The following MRPL24 variants were observed in gnomAD, a reference collection of about 807,000 sequenced individuals.
MRPL24 encodes the protein large ribosomal subunit protein uL24m.
In MRPL24, 15 loss-of-function variants were observed where a neutral mutation model predicts 26.9. The ratio of observed to expected loss-of-function variants is 0.56; its 90% CI spans 0.37 to 0.86. The LOEUF is 0.86. Ranked by LOEUF, MRPL24 falls within the 40% of genes least tolerant of loss-of-function variation. The pLI, the probability that MRPL24 is intolerant of heterozygous loss-of-function variation, is 0.00. For missense variants in MRPL24, 241 were observed against 281.4 expected (o/e 0.86, Z 1.03); for synonymous variants, 92 against 102.4 (o/e 0.90, Z 0.62).
In MRPL24 at chr1:156,738,112, G is replaced by T. The variant is rs1175251806; in HGVS notation, c.302C>A (p.Thr101Asn). ...LNTHYRYIGK[T>N]MDYRGTMIPS... ...GATCATGGTTCCCCGGTAATCCATG[G>T]TCTTGCCAATGTAGCGGTAATGCTG... The change falls in exon 4 of 6, where the codon ACC becomes AAC. Residue 101 changes from threonine to asparagine, a missense_variant. Coordinates refer to ENST00000361531, the MANE Select transcript of MRPL24 (RefSeq NM_145729.3). The T allele has an allele frequency of 5.0e-6, 8 of 1,614,152 alleles. No homozygotes were observed. The highest frequency in any genetic ancestry group is 5.9e-6 in the Non-Finnish European group (7 of 1,180,008).
At chr1:156,740,881 A>G (rs1008864664) in intron 1 of MRPL24, 131 bp downstream of exon 1, 1 of 152,350 alleles carries the variant, frequency 6.6e-6, no homozygotes, top group Non-Finnish European at 1.5e-5. Flanking sequence ...GGCTTCCCCC[A>G]CCAGCCTCAT....
upstream of MRPL24, chr1:156,742,225 TAA>T (rs907795514): frequency 7.9e-5 from 12 of 152,470 alleles, no homozygotes; most frequent in African/African-American, 2.9e-4. Flanking sequence ...GGGGCCAGGG[TAA>T]AAGAGACGAG....
chr1:156,739,429 C>T (rs114880305), intron 1 of MRPL24, among the ~76,000 whole-genome samples: 2,257 of 152,256 alleles, frequency 0.015, 58 homozygotes, highest in African/African-American at 0.051. Flanking sequence ...TGAATACTTG[C>T]AACTTACCAC....
rs1389651744 is a variant in MRPL24 at position 156,738,665 on chromosome 1, T to G, written c.40A>C (p.Thr14Pro). The G allele has an allele frequency of 6.3e-7, 1 of 1,594,462 alleles. No homozygotes were observed. Among genetic ancestry groups the G allele is most frequent in the East Asian group, 2.2e-5 (1 of 44,790 alleles). The change falls in exon 2 of 6, where the codon ACT becomes CCT. Residue 14 changes from threonine (T) to proline (P), a missense_variant. Physicochemically the swap from Thr to Pro is conservative, Grantham distance 38 (BLOSUM62 -1). Coordinates refer to ENST00000361531, the MANE Select transcript of MRPL24 (RefSeq NM_145729.3). ...SALLALASKV[T>P]LPPHYRYGMS... ...CCATAGCGGTAATGGGGGGGCAGAG[T>G]GACCTTGGATGCCAAGGCCAGCAGG... is the stretch of plus-strand genomic sequence containing the variant.
chr1:156,741,444 G>T (rs1301461962), upstream of MRPL24: 1 of 152,238 alleles, frequency 6.6e-6, no homozygotes, highest in East Asian at 1.9e-4. Flanking sequence ...TTTCCAGACA[G>T]GGCTACCGCC....
At chr1:156,739,522 G>C (rs968540258) in intron 1 of MRPL24, among the ~76,000 whole-genome samples, 3 of 152,062 alleles carry the variant, frequency 2.0e-5, no homozygotes, top group Non-Finnish European at 4.4e-5. Context: ...TCATTTTATA[G>C]ATAAAAATGA....
chr1:156,738,658 G>T lies in MRPL24; in HGVS notation c.47C>A (p.Pro16His), dbSNP rs113744947. Residue 16 changes from proline to histidine, a missense_variant, in exon 2 of 6, where the codon CCC becomes CAC. Physicochemically the swap from Pro to His is moderately conservative, Grantham distance 77. Transcript: ENST00000361531. ...GCTCATCCCATAGCGGTAATGGGGG[G>T]GCAGAGTGACCTTGGATGCCAAGGC... ...LLALASKVTL[P>H]PHYRYGMSPP... The T allele has an allele frequency of 3.1e-6, 5 of 1,598,202 alleles. No individual in the cohort carries two copies. The highest frequency in any genetic ancestry group is 2.7e-5 in the African/African-American group (2 of 73,786).
chr1:156,739,114 G>C (rs540785509), intron 1 of MRPL24, among the ~76,000 whole-genome samples: 9 of 152,252 alleles, frequency 5.9e-5, no homozygotes, highest in Admixed American at 5.2e-4. Context: ...AGAAAACAGA[G>C]GATGGAACGC....
chr1:156,738,306 G>C (rs367804811), intron 3 of MRPL24, 37 bp downstream of exon 3: 17 of 1,598,910 alleles, frequency 1.1e-5, no homozygotes, highest in Non-Finnish European at 1.4e-5. Context: ...AGATGAGACA[G>C]GCTTCCTGAG....
At position 156,738,647 on chromosome 1, in the gene MRPL24, G is replaced by A. The variant is rs774813933; in HGVS notation, c.58C>T (p.Arg20Cys). The part of the protein sequence containing the change: ...ASKVTLPPHY[R>C]YGMSPPGSVA... Reference sequence around the variant, plus strand: ...GAGCCTGGGGGGCTCATCCCATAGCGGTAATGGGGGGGCAGAGTGACCTTG... The same window carrying A: ...GAGCCTGGGGGGCTCATCCCATAGCAGTAATGGGGGGGCAGAGTGACCTTG... Residue 20 changes from arginine (R) to cysteine (C), a missense_variant, in exon 2 of 6, where the codon CGC (arginine) becomes TGC (cysteine). Transcript: ENST00000361531. The A allele has an allele frequency of 5.0e-6, 8 of 1,604,474 alleles. No individual in the cohort carries two copies. The highest frequency in any genetic ancestry group is 4.0e-5 in the African/African-American group (3 of 74,130).
At position 156,738,736 on chromosome 1, in the gene MRPL24, C is replaced by T. The variant is rs1293781506; in HGVS notation, c.-32G>A. On this transcript the variant is annotated 5_prime_UTR_variant, in exon 2 of 6. Transcript: ENST00000361531. ...AGGTTGTAAGAAATCCCTTTGCCAG[C>T]AAAACGCTCGAAACCTTCCTTGTCA... The T allele has an allele frequency of 5.2e-6, 8 of 1,550,756 alleles. No homozygotes were observed. In the Admixed American group the frequency reaches 1.8e-4, roughly 34 times the overall value.
chr1:156,741,487 G>C (rs974826896), upstream of MRPL24: 3 of 152,330 alleles, frequency 2.0e-5, no homozygotes, highest in African/African-American at 7.2e-5. Context: ...GCTGGAGTGG[G>C]GGCAGGGCAG....
At chr1:156,738,794 G>C in intron 1 of MRPL24, 30 bp from the exon 2 acceptor site, 1 of 1,281,520 alleles carries the variant, frequency 7.8e-7, no homozygotes, top group Non-Finnish European at 1.1e-6. Flanking sequence ...CGGGAACAAA[G>C]AGGCAAGGGA....
At chr1:156,741,117 G>T (rs971115447), upstream of MRPL24, 1 of 152,060 alleles carries the variant, frequency 6.6e-6, no homozygotes, top group Non-Finnish European at 1.5e-5. Context: ...CCCCCGCCAC[G>T]CCCGTCGACT....
upstream of MRPL24, chr1:156,742,411 A>C (rs9842): frequency 0.022 from 3,396 of 152,766 alleles, 55 homozygotes; most frequent in Non-Finnish European, 0.034. Flanking sequence ...AGCTACAAAA[A>C]GAAAGTCATC....
In MRPL24 at chr1:156,738,412, G is replaced by A. The variant is rs369210909; in HGVS notation, c.210C>T (p.Ala70=). 41 of 1,613,936 alleles carry A rather than the reference G, an allele frequency of 2.5e-5. No homozygotes were observed. Among genetic ancestry groups the A allele is most frequent in the Middle Eastern group, 1.6e-4 (1 of 6,084 alleles). The change falls in exon 3 of 6, where the codon GCC becomes GCT. Residue 70 remains alanine, a synonymous_variant. Transcript: ENST00000361531. ...DTVEILEGKD[A]GKQGKVVQVI... ...CTTGAACCACTTTGCCCTGCTTCCC[G>A]GCATCCTTGCCTTCTAGGATCTCCA...
chr1:156,739,659 CTTT>C (rs544634044), intron 1 of MRPL24, among the ~76,000 whole-genome samples: 1 of 139,432 alleles, frequency 7.2e-6, no homozygotes. Context: ...GGCAACTTAA[CTTT>C]TTTTTTTTTT....
chr1:156,738,994 C>A (rs1056717838), intron 1 of MRPL24, among the ~76,000 whole-genome samples: 2 of 152,168 alleles, frequency 1.3e-5, no homozygotes, highest in Non-Finnish European at 2.9e-5. Flanking sequence ...CCAAAAAATT[C>A]ATTAAGGACA....
upstream of MRPL24, chr1:156,742,269 A>C (rs1650175111): frequency 6.6e-6 from 1 of 152,612 alleles, no homozygotes; most frequent in African/African-American, 2.4e-5. Flanking sequence ...ACCAGTAGGA[A>C]GAGGGTGGGA....
Sources: allele counts gnomAD v4.1 joint callset (sites outside exome capture counted in the v4.1 genomes callset), GRCh38; gene constraint gnomAD v4.1.1; transcripts MANE v1.5; gene names NCBI Gene and HGNC (gene_info 2026-07-23, HGNC 2026-07-21).